DYNC1H1: variants seen among roughly 807,000 people sequenced by gnomAD.
The protein encoded by DYNC1H1 is dynein cytoplasmic 1 heavy chain 1.
Under a neutral mutation model 527.1 loss-of-function variants are expected in DYNC1H1, and 51 were observed. The ratio of observed to expected loss-of-function variants is 0.10; its 90% CI spans 0.08 to 0.12. DYNC1H1 has a LOEUF of 0.12. Ranked by LOEUF, DYNC1H1 falls within the 10% of genes least tolerant of loss-of-function variation. The probability of loss-of-function intolerance (pLI) is 1.00; values close to 1 mark genes in which losing one functional copy is unlikely to be tolerated. For missense variants in DYNC1H1, 2,771 were observed against 5,971.8 expected, an observed-to-expected ratio of 0.46 and a Z score of 17.66; for synonymous variants, 2,189 against 2,278.8, an observed-to-expected ratio of 0.96 and a Z score of 1.12.
Position 102,042,140 on chromosome 14 carries a change from G to A in DYNC1H1, c.12214+16G>A, listed in dbSNP as rs774566858. 21 of 1,613,908 alleles carry A rather than the reference G, an allele frequency of 1.3e-5. No homozygotes were observed. The highest frequency in any genetic ancestry group is 8.5e-7 in the Non-Finnish European group (1 of 1,180,020). On this transcript the variant is annotated intron_variant, in intron 66 of 77. Coordinates refer to ENST00000360184, the MANE Select transcript of DYNC1H1 (RefSeq NM_001376.5). This position sits in a 1 kb window ranked among gnomAD's most constrained non-coding sequence, Gnocchi z 5.7. ...ATTGCAATCGGTAAGGATGCTTGAGGGGCTTCATGGGCTGGAGCCCTGCAG... is the reference window on the plus strand; with the variant it reads ...ATTGCAATCGGTAAGGATGCTTGAGAGGCTTCATGGGCTGGAGCCCTGCAG...
In DYNC1H1 at chr14:102,049,936, T is replaced by C. The variant is rs2048781953; in HGVS notation, c.13684+54T>C. On this transcript the variant is annotated intron_variant, in intron 76 of 77. Coordinates refer to ENST00000360184, the MANE Select transcript of DYNC1H1 (RefSeq NM_001376.5). The surrounding 1 kb of genome is among the most constrained non-coding windows in gnomAD (Gnocchi z 5.5). ...CTCTTTGCAGGTGACCTCGGTGGCC[T>C]GAGACCATTGTTCCCAGATACATGC... 1 of 1,553,076 alleles carries C rather than the reference T, an allele frequency of 6.4e-7. No homozygotes were observed. Among genetic ancestry groups the C allele is most frequent in the African/African-American group, 1.3e-5 (1 of 74,200 alleles).
chr14:102,034,550 A>G (rs1399719774), intron 56 of DYNC1H1, 98 bp downstream of exon 56: 3 of 1,594,168 alleles, frequency 1.9e-6, no homozygotes, highest in South Asian at 2.2e-5. Flanking sequence ...AGGAATAGAA[A>G]ATGGGGCGTG....
At chr14:102,034,516 C>CA in intron 56 of DYNC1H1, 64 bp downstream of exon 56, 1 of 1,609,542 alleles carries the variant, frequency 6.2e-7, no homozygotes, top group Non-Finnish European at 8.5e-7. Context: ...GAATTTTTTT[C>CA]AAAATACACC....
chr14:101,980,083 G>A, intron 4 of DYNC1H1, 109 bp downstream of exon 4: 1 of 1,524,786 alleles, frequency 6.6e-7, no homozygotes, highest in South Asian at 1.2e-5. Context: ...ACTTGTTAGT[G>A]GTGCCGCCTC....
Position 102,032,466 on chromosome 14 carries a change from A to G in DYNC1H1, c.10078A>G (p.Ser3360Gly). Residue 3360 changes from serine (S) to glycine (G), a missense_variant and splice_region_variant, in exon 52 of 78, where the codon AGT (serine) becomes GGT (glycine). Physicochemically the swap from Ser to Gly is moderately conservative, Grantham distance 56 (BLOSUM62 0). This residue lies in a region of DYNC1H1 where 283 missense variants were observed against 737.6 expected (regional missense o/e 0.38). Transcript: ENST00000360184. The stretch of plus-strand genomic sequence containing the variant: ...CGTCAACTTCTCTGCAGAGGAGATC[A>G]GGTGAGAAAGTGGAAGTGCCAAGGT... ...TIVNFSAEEI[S>G]DAIREKMKKN... 3 of 1,614,120 alleles carry G rather than the reference A, an allele frequency of 1.9e-6. No homozygotes were observed. Among genetic ancestry groups the G allele is most frequent in the Non-Finnish European group, 1.7e-6 (2 of 1,180,036 alleles).
rs1337653913 is a variant in DYNC1H1, at chr14:102,039,744, C to CAA, written c.11690+13_11690+14insAA. On this transcript the variant is annotated intron_variant, in intron 62 of 77. Transcript: ENST00000360184. This position sits in a 1 kb window ranked among gnomAD's most constrained non-coding sequence, Gnocchi z 7.0. Reference sequence around the variant, plus strand: ...AAGGGCACCGTGGGGTAAGAGCACTCACGCCCACAGGAGGATGCCATATTG... The same window carrying CAA: ...AAGGGCACCGTGGGGTAAGAGCACTCAAACGCCCACAGGAGGATGCCATATTG... The CAA allele has an allele frequency of 2.5e-6, 4 of 1,613,988 alleles. No individual in the cohort carries two copies. The Admixed American group carries it at 5.0e-5, about 20-fold the overall frequency.
intron 29 of DYNC1H1, chr14:102,009,180 G>A (rs2048230973): frequency 6.5e-6 from 1 of 154,304 alleles, no homozygotes; most frequent in Non-Finnish European, 1.4e-5. Flanking sequence ...GGTCAGGGAG[G>A]GTGGGATGCT....
At chr14:102,048,198 G>A in intron 73 of DYNC1H1, 170 bp downstream of exon 73, 1 of 897,864 alleles carries the variant, frequency 1.1e-6, no homozygotes, top group African/African-American at 1.7e-5. Flanking sequence ...GGCAAGATGA[G>A]TTGGCCCTTT....
chr14:102,037,259 A>G (rs1332440077), intron 57 of DYNC1H1: 1 of 154,232 alleles, frequency 6.5e-6, no homozygotes, highest in Non-Finnish European at 1.4e-5. Flanking sequence ...GCCCGTCTCT[A>G]TTTAAAATAC....
At chr14:101,974,160 C>T (rs572054837) in intron 1 of DYNC1H1, among the ~76,000 whole-genome samples, 30 of 152,224 alleles carry the variant, frequency 2.0e-4, no homozygotes, top group African/African-American at 7.0e-4. Flanking sequence ...AGTGCAATGG[C>T]GTGATCTCAA....
chr14:101,978,135 A>G (rs990923847), intron 2 of DYNC1H1, among the ~76,000 whole-genome samples: 7 of 152,174 alleles, frequency 4.6e-5, no homozygotes, highest in African/African-American at 1.7e-4. Flanking sequence ...GCTCACTGCA[A>G]CCTCTGCCTC....
At chr14:101,996,302 G>GT (rs1255781914) in intron 15 of DYNC1H1, among the ~76,000 whole-genome samples, 1 of 150,576 alleles carries the variant, frequency 6.6e-6, no homozygotes, top group Non-Finnish European at 1.5e-5. Flanking sequence ...GCTAATTTTT[G>GT]TATTTTTAGC....
chr14:101,988,551 T>A, intron 9 of DYNC1H1, 152 bp from the exon 10 acceptor site: 1 of 1,006,346 alleles, frequency 9.9e-7, no homozygotes, highest in Non-Finnish European at 1.5e-6. Flanking sequence ...TGGGAGAAAG[T>A]GAGAAAGTGA....
intron 51 of DYNC1H1, chr14:102,030,829 G>A (rs935476797): frequency 8.2e-5 from 14 of 169,974 alleles, no homozygotes; most frequent in African/African-American, 2.6e-4. Flanking sequence ...TCAGCCAGGC[G>A]AGGTGGCTCG....
In DYNC1H1 at chr14:101,965,552, C is replaced by T. The variant is rs2047657313; in HGVS notation, c.256+605C>T. Among the ~76,000 whole-genome samples, 1 of 152,118 alleles carries T rather than the reference C, an allele frequency of 6.6e-6. No homozygotes were observed. Among genetic ancestry groups the T allele is most frequent in the Admixed American group, 6.5e-5 (1 of 15,276 alleles). ...GCCCACAGAGCGACGGTGCCAGCCC[C>T]GGGCCTGCGAGCATCACTGTTGTAG... On this transcript the variant is annotated intron_variant, in intron 1 of 77. Coordinates refer to ENST00000360184, the MANE Select transcript of DYNC1H1 (RefSeq NM_001376.5). The surrounding 1 kb of genome is among the most constrained non-coding windows in gnomAD (Gnocchi z 4.1).
At position 102,008,268 on chromosome 14, in the gene DYNC1H1, G is replaced by T. The variant is rs764893204; in HGVS notation, c.5908G>T (p.Ala1970Ser). The T allele has an allele frequency of 1.2e-6, 2 of 1,614,222 alleles. No individual in the cohort carries two copies. Among genetic ancestry groups the T allele is most frequent in the African/African-American group, 1.3e-5 (1 of 75,044 alleles). ...CCGCCTGGAGGAGCGGATGCTCTCG[G>T]CTGTGTCCCAGCAGGTGCAGTGCAT... is the stretch of plus-strand genomic sequence containing the variant. ...FNRLEERMLS[A>S]VSQQVQCIQE... The change falls in exon 29 of 78, where the codon GCT (alanine) becomes TCT (serine). Residue 1970 changes from alanine (A) to serine (S), a missense_variant. By Grantham distance (99) the Ala-to-Ser change is moderately conservative (BLOSUM62 1). Coordinates refer to ENST00000360184, the MANE Select transcript of DYNC1H1 (RefSeq NM_001376.5).
rs1478092590 is a variant in DYNC1H1 at position 102,011,778 on chromosome 14, A to C, written c.6619-97A>C. On this transcript the variant is annotated intron_variant, in intron 32 of 77. Transcript: ENST00000360184. This position sits in a 1 kb window ranked among gnomAD's most constrained non-coding sequence, Gnocchi z 5.3. ...GGAAAAAAAAAAAAATCCACACATA[A>C]TGTTTCTTGCTCACTTTCACAAGAG... The C allele has an allele frequency of 2.2e-5, 30 of 1,340,506 alleles. No individual in the cohort carries two copies. The highest frequency in any genetic ancestry group is 3.2e-5 in the Non-Finnish European group (30 of 940,654). 83.0% of individuals were successfully genotyped at this position (1,340,506 alleles called of 1,614,324 possible).
rs1359011114 is a variant in DYNC1H1, at chr14:102,018,412, T to A, written c.8178-39T>A. ...CACACTGCCCCTTCCTGGGAGGCGCTGTCAGGGAGGGGCGCTGAGCGGGGC... is the reference window on the plus strand; with the variant it reads ...CACACTGCCCCTTCCTGGGAGGCGCAGTCAGGGAGGGGCGCTGAGCGGGGC... On this transcript the variant is annotated intron_variant, in intron 40 of 77. Transcript: ENST00000360184. The surrounding 1 kb of genome is among the most constrained non-coding windows in gnomAD (Gnocchi z 5.2). 5 of 1,608,064 alleles carry A rather than the reference T, an allele frequency of 3.1e-6. No homozygotes were observed. Among genetic ancestry groups the A allele is most frequent in the Non-Finnish European group, 4.2e-6 (5 of 1,179,018 alleles).
intron 1 of DYNC1H1, among the ~76,000 whole-genome samples, chr14:101,967,092 G>A (rs927612857): frequency 6.6e-6 from 1 of 152,106 alleles, no homozygotes; most frequent in Non-Finnish European, 1.5e-5. Flanking sequence ...AAAACCTAAG[G>A]AAAGATTTTT....
Sources: allele counts gnomAD v4.1 joint callset (sites outside exome capture counted in the v4.1 genomes callset), GRCh38; gene constraint gnomAD v4.1.1; regional missense constraint gnomAD v4.1.1; non-coding constraint Gnocchi (gnomAD v3.1); transcripts MANE v1.5; gene names NCBI Gene and HGNC (gene_info 2026-07-23, HGNC 2026-07-21).